ZNF490: variants seen among roughly 807,000 people sequenced by gnomAD.
ZNF490 encodes zinc finger protein 490.
Under a neutral mutation model 17.7 loss-of-function variants are expected in ZNF490, and 11 were observed. That is an observed-to-expected ratio of 0.62 (90% CI 0.39 to 1.03). The LOEUF (loss-of-function observed/expected upper bound fraction) is 1.03. Ranked by LOEUF, ZNF490 falls within the 50% of genes least tolerant of loss-of-function variation. ZNF490 has a pLI of 0.00. For synonymous variants in ZNF490, 222 were observed against 216.1 expected (o/e 1.03, Z -0.24); for missense variants, 542 against 643.4 (o/e 0.84, Z 1.71).
At position 12,579,955 on chromosome 19, in the gene ZNF490, A is replaced by G. The variant is rs1372086696; in HGVS notation, c.*530T>C. Reference sequence around the variant, plus strand: ...AAACCCCATCTCTACTAAAATTACAAAATTAGCCAGGCGTGGTGGCGCATG... The same window carrying G: ...AAACCCCATCTCTACTAAAATTACAGAATTAGCCAGGCGTGGTGGCGCATG... On this transcript the variant is annotated 3_prime_UTR_variant, in exon 5 of 5. Transcript: ENST00000311437. 2 of 171,174 alleles carry G rather than the reference A, an allele frequency of 1.2e-5. No homozygotes were observed. Among genetic ancestry groups the G allele is most frequent in the Non-Finnish European group, 2.3e-5 (2 of 85,480 alleles). The allele number at this position is 171,174 out of a possible 1,614,324, so 10.6% of individuals were successfully genotyped here.
At chr19:12,581,823 CTG>C (rs1234474989) in intron 4 of ZNF490, 99 bp from the exon 5 acceptor site, 4 of 1,143,712 alleles carry the variant, frequency 3.5e-6, no homozygotes, top group Non-Finnish European at 4.9e-6. Context: ...TTCACAGAAA[CTG>C]TATGTTATCT....
intron 1 of ZNF490, among the ~76,000 whole-genome samples, chr19:12,610,312 C>T (rs1441437554): frequency 6.8e-6 from 1 of 147,804 alleles, no homozygotes; most frequent in Non-Finnish European, 1.5e-5. Context: ...CCCCCGACCT[C>T]CCCCACCGCC....
rs1282130448 is a variant in ZNF490, at chr19:12,577,638, C to T, written c.*2847G>A. ...CTTCCACTGAGGCCTCATCTGCCAG[C>T]AAACCTTGCTCCAGTCGGCCTCTGG... On this transcript the variant is annotated 3_prime_UTR_variant, in exon 5 of 5. Transcript: ENST00000311437. 1 of 985,392 alleles carries T rather than the reference C, an allele frequency of 1.0e-6. No homozygotes were observed. The highest frequency in any genetic ancestry group is 1.2e-6 in the Non-Finnish European group (1 of 829,984). The allele number at this position is 985,392 out of a possible 1,614,324, so 61.0% of individuals were successfully genotyped here.
In ZNF490 at chr19:12,610,567, G is replaced by C. The variant is rs775152061; in HGVS notation, c.114C>G (p.Leu38=). 14 of 1,613,364 alleles carry C rather than the reference G, an allele frequency of 8.7e-6. No individual in the cohort carries two copies. Among genetic ancestry groups the C allele is most frequent in the Non-Finnish European group, 1.2e-5 (14 of 1,179,632 alleles). ...GRTGTGGSDV[L]QMQNSEHHGQ... ...CATTATGCCAAGCCCCTGGTACCTG[G>C]AGGACATCAGACCCTCCTGTTCCTG... Residue 38 remains leucine (L), a synonymous_variant, in exon 1 of 5, where the codon CTC becomes CTG. Transcript: ENST00000311437.
chr19:12,600,190 G>A lies in ZNF490; in HGVS notation c.162+8968C>T, dbSNP rs530620399. Among the ~76,000 whole-genome samples the A allele has an allele frequency of 3.2e-4, 49 of 151,692 alleles. No individual in the cohort carries two copies. The East Asian group carries it at 5.8e-3, about 18-fold the overall frequency. Reference sequence around the variant, plus strand: ...ATCCTGGCTAACATGGTGAAACCCCGTCTCTACTAAAAAAAAAACACAAAA... The same window carrying A: ...ATCCTGGCTAACATGGTGAAACCCCATCTCTACTAAAAAAAAAACACAAAA... On this transcript the variant is annotated intron_variant, in intron 2 of 4. Transcript: ENST00000311437.
chr19:12,609,100 C>T (rs1354314018), intron 2 of ZNF490, 58 bp downstream of exon 2: 2 of 1,571,728 alleles, frequency 1.3e-6, no homozygotes, highest in Non-Finnish European at 1.7e-6. Context: ...AGGACAGACC[C>T]AAATGGTCAT....
chr19:12,591,939 T>G (rs561774811), intron 2 of ZNF490, among the ~76,000 whole-genome samples: 12 of 152,262 alleles, frequency 7.9e-5, no homozygotes, highest in African/African-American at 2.2e-4. Flanking sequence ...TGCACATGAA[T>G]GCTTATAGTT....
At chr19:12,600,130 A>C (rs1490210869) in intron 2 of ZNF490, among the ~76,000 whole-genome samples, 1 of 152,116 alleles carries the variant, frequency 6.6e-6, no homozygotes, top group Non-Finnish European at 1.5e-5. Flanking sequence ...TGGGAGGCCG[A>C]GGCGGGCAGA....
At chr19:12,601,337 G>A (rs568638202) in intron 2 of ZNF490, among the ~76,000 whole-genome samples, 13 of 151,432 alleles carry the variant, frequency 8.6e-5, no homozygotes, top group South Asian at 2.1e-4. Flanking sequence ...GCAATGAGCC[G>A]ATATTGCGCC....
chr19:12,597,295 C>A (rs183890270), intron 2 of ZNF490: 5 of 422,334 alleles, frequency 1.2e-5, no homozygotes, highest in African/African-American at 2.0e-5. Context: ...AGGATGTTCA[C>A]ACGCGCATTC....
chr19:12,601,313 G>A (rs1378670858), intron 2 of ZNF490, among the ~76,000 whole-genome samples: 6 of 151,716 alleles, frequency 4.0e-5, no homozygotes, highest in East Asian at 1.9e-4. Context: ...GTGTGAACCC[G>A]GGAGGCGAAG....
At chr19:12,593,368 C>T (rs1281291656) in intron 2 of ZNF490, among the ~76,000 whole-genome samples, 1 of 152,028 alleles carries the variant, frequency 6.6e-6, no homozygotes, top group Admixed American at 6.6e-5. Flanking sequence ...CTGCCTCAGC[C>T]TCCTGAGTAG....
Position 12,581,078 on chromosome 19 carries a change from G to T in ZNF490, c.997C>A (p.Pro333Thr). 1 of 1,614,002 alleles carries T rather than the reference G, an allele frequency of 6.2e-7. No individual in the cohort carries two copies. The highest frequency in any genetic ancestry group is 1.1e-5 in the South Asian group (1 of 91,070). The change falls in exon 5 of 5, where the codon CCT becomes ACT. Residue 333 changes from proline (P) to threonine (T), a missense_variant. Pro to Thr is a conservative substitution (Grantham distance 38, BLOSUM62 -1). Transcript: ENST00000311437. ...SHEKTHTGEK[P>T]FVCRECGRAF... is the part of the protein sequence containing the mutation. ...CTCCCACATTCCCTACATACAAAAG[G>T]TTTCTCTCCAGTATGAGTTTTCTCA...
intron 2 of ZNF490, among the ~76,000 whole-genome samples, chr19:12,604,350 T>C (rs1220584984): frequency 7.9e-5 from 12 of 151,888 alleles, no homozygotes. Flanking sequence ...ACCCCATCTC[T>C]ACTTAAAATA....
intron 2 of ZNF490, among the ~76,000 whole-genome samples, chr19:12,604,628 C>T (rs2023045426): frequency 6.6e-6 from 1 of 150,490 alleles, no homozygotes; most frequent in South Asian, 2.1e-4. Context: ...TGCCACTGCA[C>T]TCCAGCCTGG....
In ZNF490 at chr19:12,581,339, C is replaced by G. The variant is rs753044957; in HGVS notation, c.736G>C (p.Gly246Arg). 1.4e-5 allele frequency: 22 copies of G among 1,614,032 alleles called. No homozygotes were observed. Among genetic ancestry groups the G allele is most frequent in the Non-Finnish European group, 1.9e-5 (22 of 1,180,036 alleles). The change falls in exon 5 of 5, where the codon GGA becomes CGA. Residue 246 changes from glycine to arginine, a missense_variant. By Grantham distance (125) the Gly-to-Arg change is moderately radical (BLOSUM62 -2). Coordinates refer to ENST00000311437, the MANE Select transcript of ZNF490 (RefSeq NM_020714.3). ...TCCTTACATTCATAGGGTGTCTCTC[C>G]AGTATGAATTCTTATATGGTTTCGA... ...SFRNHIRIHTGETPYECKECG... is the reference protein window; with the variant it reads ...SFRNHIRIHTRETPYECKECG...
intron 2 of ZNF490, among the ~76,000 whole-genome samples, chr19:12,594,201 C>T (rs1436869592): frequency 6.6e-6 from 1 of 152,198 alleles, no homozygotes; most frequent in Non-Finnish European, 1.5e-5. Context: ...AATGGTGGCT[C>T]ATGCCTGTAA....
chr19:12,578,695 G>A lies in ZNF490; in HGVS notation c.*1790C>T. On this transcript the variant is annotated 3_prime_UTR_variant, in exon 5 of 5. Transcript: ENST00000311437. ...ACAGTCTGACCCGAGGACACTGATG[G>A]AAACTTAAAAGGCAGATTCTGGGAG... The A allele has an allele frequency of 2.0e-6, 2 of 985,448 alleles. No individual in the cohort carries two copies. Among genetic ancestry groups the A allele is most frequent in the Non-Finnish European group, 2.4e-6 (2 of 829,954 alleles). 61.0% of individuals were successfully genotyped at this position (985,448 alleles called of 1,614,324 possible). A position where few individuals can be genotyped will look rare whatever the true frequency, so the allele number is the denominator to read the frequency against.
chr19:12,600,315 C>T (rs952769693), intron 2 of ZNF490, among the ~76,000 whole-genome samples: 7 of 151,322 alleles, frequency 4.6e-5, no homozygotes, highest in Admixed American at 3.3e-4. Flanking sequence ...TGCAGTGAGC[C>T]GAGATGTGCC....
Sources: gnomAD v4.1 joint callset for allele counts (sites outside exome capture counted in the v4.1 genomes callset) on GRCh38, gnomAD v4.1.1 for gene constraint, MANE v1.5 for transcripts, NCBI Gene and HGNC (gene_info 2026-07-23, HGNC 2026-07-21) for gene names.